Variants in ARHGAP42 observed in about 807,000 individuals in gnomAD.
ARHGAP42 encodes Rho GTPase activating protein 42.
ARHGAP42 carries 63 observed loss-of-function variants against 125.0 expected under a neutral mutation model. The observed-to-expected ratio is 0.50, with a 90% CI of 0.41 to 0.62. The LOEUF is 0.62. ARHGAP42 is among the 20% of genes least tolerant of loss of function. ARHGAP42 has a pLI of 0.00. For synonymous variants in ARHGAP42, 339 were observed against 351.0 expected (o/e 0.97, Z 0.38); for missense variants, 766 against 1,024.2 (o/e 0.75, Z 3.44).
At chr11:100,843,741 A>G (rs1864994504) in intron 3 of ARHGAP42, among the ~76,000 whole-genome samples, 2 of 152,256 alleles carry the variant, frequency 1.3e-5, no homozygotes, top group African/African-American at 4.8e-5. Flanking sequence ...ATATCTAACC[A>G]AGGAGGTGAA....
At chr11:100,882,697 AT>A (rs1865991168) in intron 4 of ARHGAP42, among the ~76,000 whole-genome samples, 1 of 151,962 alleles carries the variant, frequency 6.6e-6, no homozygotes, top group Non-Finnish European at 1.5e-5. Context: ...TGAATGCCTG[AT>A]CGAATTCAAC....
intron 3 of ARHGAP42, among the ~76,000 whole-genome samples, chr11:100,846,956 C>G (rs1186844283): frequency 6.6e-6 from 1 of 152,024 alleles, no homozygotes; most frequent in Non-Finnish European, 1.5e-5. Context: ...TAGGATGGCA[C>G]CAGGTTCAAG....
Position 100,949,914 on chromosome 11 carries a change from T to A in ARHGAP42, c.1123-3T>A. 6.8e-7 allele frequency: 1 copy of A among 1,472,336 alleles called. No individual in the cohort carries two copies. Among genetic ancestry groups the A allele is most frequent in the Non-Finnish European group, 9.2e-7 (1 of 1,085,552 alleles). 91.2% of individuals were successfully genotyped at this position (1,472,336 alleles called of 1,614,324 possible). A position where few individuals can be genotyped will look rare whatever the true frequency, so the allele number is the denominator to read the frequency against. ...TAACTAATGGACATCCTTTGTTTTT[T>A]AGATTTATACTCTGCCTGCCATTAT... On this transcript the variant is annotated splice_region_variant and splice_polypyrimidine_tract_variant and intron_variant, in intron 11 of 23. Coordinates refer to ENST00000298815, the MANE Select transcript of ARHGAP42 (RefSeq NM_152432.4).
intron 1 of ARHGAP42, among the ~76,000 whole-genome samples, chr11:100,699,698 T>G (rs1199085355): frequency 6.6e-6 from 1 of 151,376 alleles, no homozygotes; most frequent in African/African-American, 2.4e-5. Flanking sequence ...AATTTTTGTA[T>G]TTTTAGTACA....
At chr11:100,781,589 A>G (rs2135011430) in intron 2 of ARHGAP42, among the ~76,000 whole-genome samples, 1 of 152,294 alleles carries the variant, frequency 6.6e-6, no homozygotes, top group East Asian at 1.9e-4. Flanking sequence ...CTGAAGATAC[A>G]TCATTGTGCA....
chr11:100,847,726 G>A (rs1210087507), intron 3 of ARHGAP42, among the ~76,000 whole-genome samples: 2 of 152,108 alleles, frequency 1.3e-5, no homozygotes, highest in Non-Finnish European at 2.9e-5. Context: ...TAGGGTGACT[G>A]GACAGTTGGC....
At chr11:100,979,360 C>G (rs1858474127) in intron 22 of ARHGAP42, among the ~76,000 whole-genome samples, 1 of 152,002 alleles carries the variant, frequency 6.6e-6, no homozygotes, top group African/African-American at 2.4e-5. Context: ...TTTTCAAAAG[C>G]ATGTTCTTGA....
chr11:100,757,927 T>C (rs1209121430), intron 1 of ARHGAP42, among the ~76,000 whole-genome samples: 1 of 152,210 alleles, frequency 6.6e-6, no homozygotes. Context: ...TATGTATTCT[T>C]TCAGTTACCA....
intron 1 of ARHGAP42, among the ~76,000 whole-genome samples, chr11:100,702,115 T>C (rs1861407694): frequency 1.3e-5 from 2 of 151,190 alleles, no homozygotes; most frequent in South Asian, 2.1e-4. Context: ...CAAGACCCTG[T>C]CTCAAAAAAA....
chr11:100,709,959 T>C (rs1439525885), intron 1 of ARHGAP42, among the ~76,000 whole-genome samples: 1 of 152,186 alleles, frequency 6.6e-6, no homozygotes, highest in Non-Finnish European at 1.5e-5. Flanking sequence ...CACTGTGACA[T>C]GGAGTTTGGG....
chr11:100,962,733 G>A (rs990989087), intron 16 of ARHGAP42, among the ~76,000 whole-genome samples: 1 of 151,990 alleles, frequency 6.6e-6, no homozygotes, highest in African/African-American at 2.4e-5. Flanking sequence ...AAAATTAGCT[G>A]GGCATGGTGG....
Position 100,837,587 on chromosome 11 carries a change from G to A in ARHGAP42, c.313-21967G>A, listed in dbSNP as rs11224480. ...TGCATACTATATGGATAAGCATAAT[G>A]AAGGCATGGAATATTTTATAACAAG... On this transcript the variant is annotated intron_variant, in intron 3 of 23. Coordinates refer to ENST00000298815, the MANE Select transcript of ARHGAP42 (RefSeq NM_152432.4). Among the ~76,000 whole-genome samples the A allele has an allele frequency of 1.7e-3, 244 of 147,230 alleles. 1 individual carries two copies. The highest frequency in any genetic ancestry group is 6.0e-3 in the African/African-American group (239 of 40,012).
At position 100,941,969 on chromosome 11, in the gene ARHGAP42, C is replaced by T. The variant is rs144671338; in HGVS notation, c.933+85C>T. On this transcript the variant is annotated intron_variant, in intron 9 of 23. Coordinates refer to ENST00000298815, the MANE Select transcript of ARHGAP42 (RefSeq NM_152432.4). ...TAAAACAAAAAAATCACATTTGTTT[C>T]TCTAGTTAACATGTACACATTTACA... is the stretch of plus-strand genomic sequence containing the variant. 1.5e-4 allele frequency: 155 copies of T among 1,016,546 alleles called. No homozygotes were observed. In the Admixed American group the frequency reaches 4.1e-3, roughly 27 times the overall value. The allele number at this position is 1,016,546 out of a possible 1,614,324, so 63.0% of individuals were successfully genotyped here.
At chr11:100,780,109 T>C (rs989541345) in intron 2 of ARHGAP42, among the ~76,000 whole-genome samples, 63 of 152,186 alleles carry the variant, frequency 4.1e-4, no homozygotes, top group African/African-American at 1.5e-3. Flanking sequence ...TTTATTCTCT[T>C]TTTGCATTTA....
intron 8 of ARHGAP42, 81 bp from the exon 9 acceptor site, chr11:100,941,703 T>A: frequency 7.8e-6 from 6 of 774,182 alleles, no homozygotes; most frequent in Non-Finnish European, 1.2e-5. Flanking sequence ...CGGTTGTATA[T>A]CATAGCACTG....
chr11:100,772,469 G>A (rs1293448871), intron 2 of ARHGAP42, among the ~76,000 whole-genome samples: 2 of 152,142 alleles, frequency 1.3e-5, no homozygotes, highest in Non-Finnish European at 2.9e-5. Flanking sequence ...TGTAGTGGCT[G>A]GTCTTCTTTG....
intron 14 of ARHGAP42, 124 bp downstream of exon 14, chr11:100,961,113 A>C: frequency 1.7e-6 from 1 of 586,656 alleles, no homozygotes; most frequent in Non-Finnish European, 2.7e-6. Flanking sequence ...TCATATATGT[A>C]TTCAGTTTTT....
chr11:100,689,248 A>G (rs1861145699), intron 1 of ARHGAP42, among the ~76,000 whole-genome samples: 1 of 152,194 alleles, frequency 6.6e-6, no homozygotes, highest in Admixed American at 6.5e-5. Flanking sequence ...AATTCTTGCC[A>G]CCCTACATAA....
chr11:100,912,455 A>G (rs1866948804), intron 4 of ARHGAP42, among the ~76,000 whole-genome samples: 1 of 152,152 alleles, frequency 6.6e-6, no homozygotes, highest in Admixed American at 6.5e-5. Context: ...CTGCAGTCTG[A>G]ACATGCTTAT....
Sources: allele counts gnomAD v4.1 joint callset (sites outside exome capture counted in the v4.1 genomes callset), GRCh38; gene constraint gnomAD v4.1.1; transcripts MANE v1.5; gene names NCBI Gene and HGNC (gene_info 2026-07-23, HGNC 2026-07-21).